MAML3: variants seen among roughly 807,000 people sequenced by gnomAD.
The protein encoded by MAML3 is mastermind like transcriptional coactivator 3.
MAML3 carries 27 observed loss-of-function variants against 101.9 expected under a neutral mutation model. The ratio of observed to expected loss-of-function variants is 0.27; its 90% CI spans 0.20 to 0.37. The LOEUF (loss-of-function observed/expected upper bound fraction) is 0.37, where lower values mean the gene tolerates loss of function less well. Among genes scored for constraint, MAML3 ranks in the 10% least tolerant of loss-of-function variants. The pLI, the probability that MAML3 is intolerant of heterozygous loss-of-function variation, is 1.00. For missense variants in MAML3, 1,316 were observed against 1,444.9 expected (o/e 0.91, Z 1.45); for synonymous variants, 501 against 555.9 (o/e 0.90, Z 1.39).
intron 2 of MAML3, among the ~76,000 whole-genome samples, chr4:139,851,633 G>C (rs1259220702): frequency 1.3e-5 from 2 of 152,226 alleles, no homozygotes; most frequent in East Asian, 1.9e-4. Context: ...AAGTAAGATA[G>C]GCTGGTTGGG....
intron 2 of MAML3, among the ~76,000 whole-genome samples, chr4:139,765,574 G>A (rs1324812139): frequency 6.6e-6 from 1 of 152,158 alleles, no homozygotes; most frequent in African/African-American, 2.4e-5. Context: ...TTCATTTCAA[G>A]GTTTTTTTGG....
At chr4:140,013,771 C>T (rs909363504) in intron 1 of MAML3, among the ~76,000 whole-genome samples, 2 of 152,226 alleles carry the variant, frequency 1.3e-5, no homozygotes, top group Admixed American at 6.5e-5. Flanking sequence ...TCTTACTTCC[C>T]CATCCCCAGT....
chr4:139,736,551 A>ACAT (rs10647214), intron 2 of MAML3, among the ~76,000 whole-genome samples: 30,292 of 152,088 alleles, frequency 0.2, 3,134 homozygotes, highest in African/African-American at 0.25. Context: ...TTTGGAGGTG[A>ACAT]CATAGTTAAT....
chr4:139,956,825 T>C (rs556846418), intron 1 of MAML3, among the ~76,000 whole-genome samples: 6 of 152,324 alleles, frequency 3.9e-5, no homozygotes, highest in Non-Finnish European at 4.4e-5. Flanking sequence ...TTCCCTGCTG[T>C]CCCTGACAAA....
At chr4:139,940,389 A>G (rs1288176895) in intron 1 of MAML3, among the ~76,000 whole-genome samples, 1 of 152,224 alleles carries the variant, frequency 6.6e-6, no homozygotes, top group East Asian at 1.9e-4. Context: ...GATTGATTGG[A>G]ATCTGAACTC....
At chr4:139,873,660 T>TTAA (rs1355082188) in intron 2 of MAML3, among the ~76,000 whole-genome samples, 4 of 152,176 alleles carry the variant, frequency 2.6e-5, no homozygotes, top group Admixed American at 6.6e-5. Context: ...ATGAGAAAAC[T>TTAA]TAAGCAGCCC....
At chr4:139,868,447 A>G (rs944116228) in intron 2 of MAML3, among the ~76,000 whole-genome samples, 3 of 152,234 alleles carry the variant, frequency 2.0e-5, no homozygotes, top group South Asian at 2.1e-4. Flanking sequence ...TTGAAAGATC[A>G]TAACATTGAA....
At chr4:140,099,952 A>G (rs1728228481) in intron 1 of MAML3, among the ~76,000 whole-genome samples, 1 of 152,218 alleles carries the variant, frequency 6.6e-6, no homozygotes, top group Non-Finnish European at 1.5e-5. Flanking sequence ...TCCTATGGTG[A>G]TAACATTCAG....
intron 1 of MAML3, among the ~76,000 whole-genome samples, chr4:140,033,778 G>A (rs1180172754): frequency 6.6e-6 from 1 of 152,160 alleles, no homozygotes. Context: ...GCATGTGTAA[G>A]GACTGAATAA....
At chr4:140,100,098 A>C (rs77590008) in intron 1 of MAML3, among the ~76,000 whole-genome samples, 1 of 146,858 alleles carries the variant, frequency 6.8e-6, no homozygotes, top group South Asian at 2.2e-4. Context: ...TTGTGAGTGG[A>C]GCATGCCATC....
chr4:140,050,279 C>T (rs1472450202), intron 1 of MAML3, among the ~76,000 whole-genome samples: 1 of 151,922 alleles, frequency 6.6e-6, no homozygotes, highest in Non-Finnish European at 1.5e-5. Context: ...TAACATCTAA[C>T]AGCCTAGCCT....
At chr4:139,817,015 G>A (rs753430092) in intron 2 of MAML3, among the ~76,000 whole-genome samples, 6 of 152,024 alleles carry the variant, frequency 3.9e-5, no homozygotes, top group Non-Finnish European at 8.8e-5. Context: ...CTAGTTTGTC[G>A]CCTGTGTACA....
intron 2 of MAML3, among the ~76,000 whole-genome samples, chr4:139,859,948 T>G (rs2111164127): frequency 6.6e-6 from 1 of 152,302 alleles, no homozygotes; most frequent in East Asian, 1.9e-4. Context: ...CGCCACAGGG[T>G]GCAAGGCCGG....
chr4:139,722,674 G>A (rs1728283366), intron 4 of MAML3, among the ~76,000 whole-genome samples: 2 of 152,202 alleles, frequency 1.3e-5, no homozygotes, highest in Non-Finnish European at 2.9e-5. Context: ...CCATAGTCAT[G>A]TAACATTGCC....
intron 1 of MAML3, among the ~76,000 whole-genome samples, chr4:140,145,890 TGAGAAGG>T (rs1560907862): frequency 1.0e-4 from 15 of 146,394 alleles, no homozygotes; most frequent in South Asian, 2.2e-4. Context: ...TTTTTTTTTT[TGAGAAGG>T]ATTTTTACTC....
chr4:139,962,106 G>A (rs1734027405), intron 1 of MAML3, among the ~76,000 whole-genome samples: 1 of 152,056 alleles, frequency 6.6e-6, no homozygotes, highest in Non-Finnish European at 1.5e-5. Context: ...CTGGGCAACA[G>A]GGTGAGATCC....
chr4:139,931,307 C>A (rs1190028468), intron 1 of MAML3, among the ~76,000 whole-genome samples: 1 of 152,142 alleles, frequency 6.6e-6, no homozygotes, highest in African/African-American at 2.4e-5. Flanking sequence ...TTCCGTAAAC[C>A]TTCACTGATG....
intron 1 of MAML3, among the ~76,000 whole-genome samples, chr4:140,117,256 C>T (rs957631166): frequency 6.6e-6 from 1 of 152,094 alleles, no homozygotes; most frequent in Admixed American, 6.6e-5. Context: ...TTATATTGAT[C>T]CAAATATCTC....
intron 1 of MAML3, among the ~76,000 whole-genome samples, chr4:140,064,648 A>C (rs1353546890): frequency 6.6e-6 from 1 of 152,058 alleles, no homozygotes; most frequent in African/African-American, 2.4e-5. Flanking sequence ...GTCCCTTTTG[A>C]CTCTGCTGTG....
Sources: gnomAD v4.1 joint callset for allele counts (sites outside exome capture counted in the v4.1 genomes callset) on GRCh38, gnomAD v4.1.1 for gene constraint, MANE v1.5 for transcripts, NCBI Gene and HGNC (gene_info 2026-07-23, HGNC 2026-07-21) for gene names.